Variants in CNTN3 observed in about 807,000 individuals in gnomAD.
The protein encoded by CNTN3 is contactin 3, also known as contactin-3.
A neutral mutation model predicts 119.1 loss-of-function variants in CNTN3; 60 were observed. That is an observed-to-expected ratio of 0.50 (90% CI 0.41 to 0.62). CNTN3 has a LOEUF of 0.62. Ranked by LOEUF, CNTN3 falls within the 20% of genes least tolerant of loss-of-function variation. The pLI is 0.00. For synonymous variants in CNTN3, 450 were observed against 438.7 expected (o/e 1.03, Z -0.32); for missense variants, 1,101 against 1,242.4 (o/e 0.89, Z 1.71).
intron 20 of CNTN3, among the ~76,000 whole-genome samples, chr3:74,277,332 C>A (rs1197354486): frequency 1.3e-5 from 2 of 152,156 alleles, no homozygotes; most frequent in South Asian, 4.2e-4. Flanking sequence ...AACTACAGAC[C>A]GATATCCCTG....
chr3:74,378,270 C>T (rs1292802611), intron 5 of CNTN3, among the ~76,000 whole-genome samples: 1 of 152,174 alleles, frequency 6.6e-6, no homozygotes, highest in Non-Finnish European at 1.5e-5. Context: ...GTTCAAATAA[C>T]ACATAGTCAA....
At chr3:74,266,246 A>C (rs576296608) in intron 22 of CNTN3, among the ~76,000 whole-genome samples, 1 of 152,248 alleles carries the variant, frequency 6.6e-6, no homozygotes, top group African/African-American at 2.4e-5. Flanking sequence ...CAAATTAATG[A>C]AGTTTTGCTA....
At chr3:74,339,953 A>G (rs1282202100) in intron 11 of CNTN3, among the ~76,000 whole-genome samples, 1 of 152,046 alleles carries the variant, frequency 6.6e-6, no homozygotes, top group Non-Finnish European at 1.5e-5. Flanking sequence ...CCAGCCCTCC[A>G]TATCTGCGGT....
intron 11 of CNTN3, among the ~76,000 whole-genome samples, chr3:74,340,238 T>G (rs760133675): frequency 2.6e-5 from 4 of 152,116 alleles, no homozygotes; most frequent in African/African-American, 7.2e-5. Context: ...GGAAATACTA[T>G]GTACACATAT....
At chr3:74,270,078 T>C (rs1441220884) in intron 20 of CNTN3, among the ~76,000 whole-genome samples, 4 of 152,206 alleles carry the variant, frequency 2.6e-5, no homozygotes, top group African/African-American at 4.8e-5. Context: ...AGAAGTATTA[T>C]GTGGATTCAA....
rs1200474813 is a variant in CNTN3 at position 74,598,562 on chromosome 3, C to A, written c.-81+15829G>T. Among the ~76,000 whole-genome samples, 3 of 152,038 alleles carry A rather than the reference C, an allele frequency of 2.0e-5. No homozygotes were observed. In the East Asian group the frequency reaches 5.8e-4, roughly 30 times the overall value. On this transcript the variant is annotated intron_variant, in intron 1 of 22. Coordinates refer to ENST00000263665, the MANE Select transcript of CNTN3 (RefSeq NM_020872.3). ...GAAGTCTTGACCTCCCTGGCCCAAG[C>A]CATAGATAATCAATAAATTTACAGT...
intron 11 of CNTN3, among the ~76,000 whole-genome samples, chr3:74,347,366 C>A (rs1703716437): frequency 6.6e-6 from 1 of 150,896 alleles, no homozygotes. Context: ...CTCAGCTTCC[C>A]AAATAGCTGA....
chr3:74,276,095 A>G (rs2106761971), intron 20 of CNTN3, among the ~76,000 whole-genome samples: 1 of 152,302 alleles, frequency 6.6e-6, no homozygotes, highest in Non-Finnish European at 1.5e-5. Context: ...GGAAAATATC[A>G]CAATCCTAAA....
chr3:74,466,054 T>C (rs1311749796), intron 4 of CNTN3, among the ~76,000 whole-genome samples: 2 of 152,306 alleles, frequency 1.3e-5, no homozygotes, highest in South Asian at 2.1e-4. Context: ...TTAAGCCAGT[T>C]CTGCATTGAG....
At chr3:74,502,941 T>C (rs75367581) in intron 2 of CNTN3, among the ~76,000 whole-genome samples, 2,718 of 152,292 alleles carry the variant, frequency 0.018, 90 homozygotes, top group African/African-American at 0.062. Flanking sequence ...TAGAACACAG[T>C]AGATATTCAA....
chr3:74,486,208 ACAC>A (rs1702854401), intron 4 of CNTN3, among the ~76,000 whole-genome samples: 1 of 151,694 alleles, frequency 6.6e-6, no homozygotes, highest in African/African-American at 2.4e-5. Context: ...GAGCACACAC[ACAC>A]ACACACACAC....
chr3:74,530,665 C>A (rs1703680428), intron 1 of CNTN3, among the ~76,000 whole-genome samples: 1 of 151,894 alleles, frequency 6.6e-6, no homozygotes, highest in East Asian at 2.0e-4. Flanking sequence ...TCCTGTGCGC[C>A]AGACACACAG....
At chr3:74,314,954 G>A (rs1279055266) in intron 13 of CNTN3, among the ~76,000 whole-genome samples, 2 of 152,174 alleles carry the variant, frequency 1.3e-5, no homozygotes, top group Non-Finnish European at 2.9e-5. Flanking sequence ...CACAGGGTGA[G>A]ACAGGAGGTT....
In CNTN3 at chr3:74,285,352, CCGG is replaced by C; in HGVS notation, c.2654_2656del (p.Ala885del). The C allele has an allele frequency of 1.2e-6, 2 of 1,612,860 alleles. No homozygotes were observed. Among genetic ancestry groups the C allele is most frequent in the Non-Finnish European group, 1.7e-6 (2 of 1,179,440 alleles). On this transcript the variant is annotated inframe_deletion, in exon 20 of 23. Coordinates refer to ENST00000263665, the MANE Select transcript of CNTN3 (RefSeq NM_020872.3). ...AACTGTGGCGCTAAAAGGCCCAGCG[CCGG>C]CACTGTTGTAAGCCCGGACAGCCGT... is the stretch of plus-strand genomic sequence containing the variant.
In CNTN3 at chr3:74,402,702, G is replaced by A. The variant is rs190616334; in HGVS notation, c.454+22143C>T. On this transcript the variant is annotated intron_variant, in intron 5 of 22. Transcript: ENST00000263665. ...AGAGGTAACACTTTTTAAAATACAC[G>A]AAATAAATACAATATAATGGAAGAA... Among the ~76,000 whole-genome samples the A allele has an allele frequency of 5.3e-3, 799 of 152,154 alleles. 13 individuals are homozygous for A. The highest frequency in any genetic ancestry group is 4.6e-3 in the Non-Finnish European group (314 of 67,978).
intron 4 of CNTN3, among the ~76,000 whole-genome samples, chr3:74,429,344 C>T (rs1454085271): frequency 6.6e-6 from 1 of 151,144 alleles, no homozygotes; most frequent in African/African-American, 2.4e-5. Context: ...CAGGGAGAGA[C>T]ACATAGATCC....
intron 11 of CNTN3, among the ~76,000 whole-genome samples, chr3:74,347,239 C>T (rs1703713677): frequency 6.6e-6 from 1 of 152,146 alleles, no homozygotes; most frequent in African/African-American, 2.4e-5. Flanking sequence ...TTCTCAGCTG[C>T]CACTACTGTG....
At chr3:74,406,767 C>CAT (rs375984859) in intron 5 of CNTN3, among the ~76,000 whole-genome samples, 1 of 31,646 alleles carries the variant, frequency 3.2e-5, no homozygotes, top group Admixed American at 5.3e-4. Context: ...CACATATATG[C>CAT]ACACACACAT....
At chr3:74,358,306 A>C (rs548644971) in intron 11 of CNTN3, among the ~76,000 whole-genome samples, 1 of 152,320 alleles carries the variant, frequency 6.6e-6, no homozygotes, top group South Asian at 2.1e-4. Flanking sequence ...CATACAAAGC[A>C]GAGTGTCAGA....
Sources: gnomAD v4.1 joint callset for allele counts (sites outside exome capture counted in the v4.1 genomes callset) on GRCh38, gnomAD v4.1.1 for gene constraint, MANE v1.5 for transcripts, NCBI Gene and HGNC (gene_info 2026-07-23, HGNC 2026-07-21) for gene names.